Variants in SP140L observed in about 807,000 individuals in gnomAD.
SP140L encodes SP140 like nuclear body protein, also known as nuclear body protein SP140-like protein.
Under a neutral mutation model 84.3 loss-of-function variants are expected in SP140L, and 64 were observed. That is an observed-to-expected ratio of 0.76 (90% confidence interval 0.62 to 0.94). The LOEUF (loss-of-function observed/expected upper bound fraction) is 0.94, where lower values mean the gene tolerates loss of function less well. SP140L is among the 40% of genes least tolerant of loss of function. The pLI is 0.00. For synonymous variants in SP140L, 242 were observed against 236.9 expected, an observed-to-expected ratio of 1.02 and a Z score of -0.20; for missense variants, 628 against 692.5, an observed-to-expected ratio of 0.91 and a Z score of 1.05.
chr2:230,328,432 A>G (rs2059639361), intron 1 of SP140L, among the ~76,000 whole-genome samples: 1 of 152,168 alleles, frequency 6.6e-6, no homozygotes, highest in African/African-American at 2.4e-5. Context: ...GCTATTCTGC[A>G]TTTTGCATTT....
At chr2:230,364,496 A>G (rs907842032) in intron 5 of SP140L, among the ~76,000 whole-genome samples, 1 of 152,092 alleles carries the variant, frequency 6.6e-6, no homozygotes. Context: ...TTGATTTTGT[A>G]TCCTGCAACT....
intron 18 of SP140L, 46 bp downstream of exon 18, chr2:230,401,853 C>T (rs745583739): frequency 4.4e-6 from 7 of 1,589,844 alleles, no homozygotes; most frequent in Non-Finnish European, 6.0e-6. Context: ...CCATCCTTCC[C>T]CTCATTTTCT....
At chr2:230,354,849 GA>G in intron 2 of SP140L, among the ~76,000 whole-genome samples, 1 of 4,418 alleles carries the variant, frequency 2.3e-4, no homozygotes, top group African/African-American at 9.1e-4. Flanking sequence ...AGAAAGAAAG[GA>G]AAGAAAGAAA....
chr2:230,389,260 G>T (rs569914934), intron 10 of SP140L, among the ~76,000 whole-genome samples: 1 of 152,248 alleles, frequency 6.6e-6, no homozygotes, highest in South Asian at 2.1e-4. Flanking sequence ...GGCAGGATTA[G>T]CTGCTCATCC....
intron 7 of SP140L, among the ~76,000 whole-genome samples, chr2:230,380,055 G>A (rs988886797): frequency 6.6e-6 from 1 of 152,112 alleles, no homozygotes; most frequent in African/African-American, 2.4e-5. Flanking sequence ...CCAAGACTGG[G>A]TAATTTGTAA....
chr2:230,388,753 T>G (rs2061689218), intron 10 of SP140L, 120 bp downstream of exon 10: 2 of 804,724 alleles, frequency 2.5e-6, no homozygotes, highest in African/African-American at 3.6e-5. Context: ...TACTAACTAT[T>G]GAAAAACATA....
intron 6 of SP140L, 36 bp downstream of exon 6, chr2:230,371,003 C>T (rs780598843): frequency 1.0e-5 from 16 of 1,588,536 alleles, no homozygotes; most frequent in African/African-American, 2.7e-5. Context: ...TGGGGTGGCT[C>T]AGTGGGCCCC....
At chr2:230,331,220 C>T (rs2059716729) in intron 2 of SP140L, among the ~76,000 whole-genome samples, 1 of 152,118 alleles carries the variant, frequency 6.6e-6, no homozygotes, top group South Asian at 2.1e-4. Context: ...ATTTACATAA[C>T]TTTTATTACA....
At position 230,357,963 on chromosome 2, in the gene SP140L, T is replaced by C; in HGVS notation, c.266T>C (p.Phe89Ser). 6.2e-7 allele frequency: 1 copy of C among 1,612,444 alleles called. No homozygotes were observed. The highest frequency in any genetic ancestry group is 1.1e-5 in the South Asian group (1 of 90,888). Residue 89 changes from phenylalanine to serine, a missense_variant, in exon 3 of 19, where the codon TTT (phenylalanine) becomes TCT (serine). By Grantham distance (155) the Phe-to-Ser change is radical (BLOSUM62 -2). Coordinates refer to ENST00000415673, the MANE Select transcript of SP140L (RefSeq NM_138402.6). ...RDRELITNKM[F>S]EDSEDSCRNL... ...CGGGAACTCATCACAAATAAAATGT[T>C]TGAAGTAAGTAAAGTTTATTTCACA...
chr2:230,393,538 C>A (rs1336649055), intron 13 of SP140L, 77 bp downstream of exon 13: 2 of 1,432,824 alleles, frequency 1.4e-6, no homozygotes, highest in African/African-American at 3.0e-5. Context: ...TTTATGGAGT[C>A]TCCAATTGGG....
chr2:230,362,327 T>C (rs1173613955), intron 5 of SP140L, among the ~76,000 whole-genome samples: 1 of 152,220 alleles, frequency 6.6e-6, no homozygotes, highest in Non-Finnish European at 1.5e-5. Context: ...TTAGGAGCTC[T>C]GGCCAGGAGC....
At chr2:230,401,173 C>T in intron 16 of SP140L, 110 bp downstream of exon 16, 2 of 645,992 alleles carry the variant, frequency 3.1e-6, no homozygotes, top group East Asian at 2.8e-5. Flanking sequence ...TTCCGCGCCA[C>T]ACTTCAATGG....
chr2:230,392,496 T>C (rs1353436713), intron 12 of SP140L, among the ~76,000 whole-genome samples: 1 of 152,046 alleles, frequency 6.6e-6, no homozygotes, highest in Non-Finnish European at 1.5e-5. Flanking sequence ...GTGGACAATT[T>C]TGTGCACTGA....
chr2:230,400,013 G>A (rs2062237560), intron 14 of SP140L, 114 bp from the exon 15 acceptor site: 7 of 1,045,794 alleles, frequency 6.7e-6, no homozygotes, highest in Admixed American at 2.1e-5. Context: ...CCAGGGAGAA[G>A]CATATGCCTG....
chr2:230,368,366 G>A (rs1426057186), intron 5 of SP140L, among the ~76,000 whole-genome samples: 2 of 152,250 alleles, frequency 1.3e-5, no homozygotes, highest in African/African-American at 4.8e-5. Context: ...TCCCGTATAT[G>A]TTATTTGCTT....
Position 230,370,942 on chromosome 2 carries a change from A to C in SP140L, c.558A>C (p.Glu186Asp), listed in dbSNP as rs2061046043. ...EVPESPEARK[E>D]SDQACGKMDT... Reference sequence around the variant, plus strand: ...CAGAAAGCCCGGAAGCAAGGAAGGAAAGTGACCAAGCATGTGGCAAAATGG... The same window carrying C: ...CAGAAAGCCCGGAAGCAAGGAAGGACAGTGACCAAGCATGTGGCAAAATGG... The change falls in exon 6 of 19, where the codon GAA becomes GAC. Residue 186 changes from glutamate (E) to aspartate (D), a missense_variant. This residue lies in a region of SP140L where 525 missense variants were observed against 518.4 expected (regional missense o/e 1.01). Coordinates refer to ENST00000415673, the MANE Select transcript of SP140L (RefSeq NM_138402.6). The C allele has an allele frequency of 9.3e-6, 15 of 1,613,582 alleles. No individual in the cohort carries two copies. Among genetic ancestry groups the C allele is most frequent in the Non-Finnish European group, 1.2e-5 (14 of 1,179,776 alleles).
chr2:230,375,601 G>A (rs747546943), intron 7 of SP140L, among the ~76,000 whole-genome samples: 11 of 152,068 alleles, frequency 7.2e-5, no homozygotes, highest in Non-Finnish European at 1.2e-4. Flanking sequence ...TAGGTGTGAG[G>A]TGATATTTCA....
chr2:230,352,583 A>T (rs2060397482), intron 2 of SP140L, among the ~76,000 whole-genome samples: 1 of 152,182 alleles, frequency 6.6e-6, no homozygotes, highest in African/African-American at 2.4e-5. Context: ...ACACATGGGG[A>T]TTACAATTTG....
intron 2 of SP140L, among the ~76,000 whole-genome samples, chr2:230,353,614 G>A (rs1297758444): frequency 6.6e-6 from 1 of 151,846 alleles, no homozygotes; most frequent in South Asian, 2.1e-4. Context: ...AATATATTTT[G>A]TGTCACTGCA....
Sources: allele counts gnomAD v4.1 joint callset (sites outside exome capture counted in the v4.1 genomes callset), GRCh38; gene constraint gnomAD v4.1.1; regional missense constraint gnomAD v4.1.1; transcripts MANE v1.5; gene names NCBI Gene and HGNC (gene_info 2026-07-23, HGNC 2026-07-21).